Variants in ODAD1 observed in about 807,000 individuals in gnomAD.
ODAD1 encodes the protein outer dynein arm docking complex subunit 1.
ODAD1 carries 49 observed loss-of-function variants against 67.2 expected under a neutral mutation model. That is an observed-to-expected ratio of 0.73 (90% CI 0.58 to 0.92). ODAD1 has a LOEUF of 0.92. Ranked by LOEUF, ODAD1 falls within the 40% of genes least tolerant of loss-of-function variation. The pLI, the probability that ODAD1 is intolerant of heterozygous loss-of-function variation, is 0.00. For synonymous variants in ODAD1, 345 were observed against 393.7 expected (o/e 0.88, Z 1.46); for missense variants, 897 against 953.7 (o/e 0.94, Z 0.78).
chr19:48,311,645 G>T lies in ODAD1; in HGVS notation c.505C>A (p.Gln169Lys). ...LDRVTCHFDN[Q>K]LVRNAALREE... ...CGCAGGGCCGCATTCCGTACCAGCT[G>T]GTTGTCAAAGTGACAGGTGACCTGG... The change falls in exon 7 of 16, where the codon CAG (glutamine) becomes AAG (lysine). Residue 169 changes from glutamine (Q) to lysine (K), a missense_variant. Physicochemically the swap from Gln to Lys is moderately conservative, Grantham distance 53 (BLOSUM62 1). Coordinates refer to ENST00000674294, the MANE Select transcript of ODAD1 (RefSeq NM_001364171.2). 1.3e-6 allele frequency: 2 copies of T among 1,550,362 alleles called. No individual in the cohort carries two copies. The highest frequency in any genetic ancestry group is 1.7e-6 in the Non-Finnish European group (2 of 1,145,814).
intron 5 of ODAD1, among the ~76,000 whole-genome samples, chr19:48,312,878 T>A: frequency 6.6e-6 from 1 of 152,078 alleles, no homozygotes; most frequent in Non-Finnish European, 1.5e-5. Flanking sequence ...ATGAACTTGA[T>A]GACATTAGTA....
Position 48,303,333 on chromosome 19 carries a change from G to A in ODAD1, c.989-238C>T, listed in dbSNP as rs1968519536. ...GCAGAGAGGGAAAGCCAGAGACTCG[G>A]CAATAGCAAGGGAGATGGGGAGATG... is the stretch of plus-strand genomic sequence containing the variant. On this transcript the variant is annotated intron_variant, in intron 10 of 15. Coordinates refer to ENST00000674294, the MANE Select transcript of ODAD1 (RefSeq NM_001364171.2). 3 of 612,180 alleles carry A rather than the reference G, an allele frequency of 4.9e-6. No individual in the cohort carries two copies. In the South Asian group the frequency reaches 5.9e-5, roughly 12 times the overall value. 37.9% of individuals were successfully genotyped at this position (612,180 alleles called of 1,614,324 possible).
Position 48,303,947 on chromosome 19 carries a change from C to A in ODAD1, c.853+6G>T. The A allele has an allele frequency of 1.9e-6, 3 of 1,613,048 alleles. No individual in the cohort carries two copies. The highest frequency in any genetic ancestry group is 8.5e-7 in the Non-Finnish European group (1 of 1,179,226). On this transcript the variant is annotated splice_donor_region_variant and intron_variant, in intron 9 of 15. Coordinates refer to ENST00000674294, the MANE Select transcript of ODAD1 (RefSeq NM_001364171.2). ...TGAGATGCAAAGGCAGCAGCCCCAG[C>A]CTCACCCTGCTTTTCACGCTTCTCC...
intron 10 of ODAD1, 89 bp downstream of exon 10, chr19:48,303,561 C>A: frequency 6.6e-7 from 1 of 1,516,306 alleles, no homozygotes; most frequent in East Asian, 2.3e-5. Context: ...TGGAGGAGTT[C>A]CCCAGGGCCA....
rs573371606 is a variant in ODAD1 at position 48,321,886 on chromosome 19, G to C, written c.-272C>G. 7.8e-5 allele frequency: 31 copies of C among 398,348 alleles called. No homozygotes were observed. The highest frequency in any genetic ancestry group is 1.2e-4 in the African/African-American group (6 of 48,758). The allele number at this position is 398,348 out of a possible 1,614,324, so 24.7% of individuals were successfully genotyped here. A position where few individuals can be genotyped will look rare whatever the true frequency, so the allele number is the denominator to read the frequency against. ...AGGAGCGCTCAACACAGCCTCAGCGGTTCACTACGCAAGCGCGACCAACGG... is the reference window on the plus strand; with the variant it reads ...AGGAGCGCTCAACACAGCCTCAGCGCTTCACTACGCAAGCGCGACCAACGG... On this transcript the variant is annotated 5_prime_UTR_variant, in exon 1 of 16. Transcript: ENST00000674294.
chr19:48,309,833 G>T (rs1046366685), intron 7 of ODAD1, among the ~76,000 whole-genome samples: 1 of 152,168 alleles, frequency 6.6e-6, no homozygotes, highest in Non-Finnish European at 1.5e-5. Flanking sequence ...CTAGTCATGG[G>T]ACAAGTTGAC....
At position 48,321,821 on chromosome 19, in the gene ODAD1, AGGAAGGAAGGC is replaced by A; in HGVS notation, c.-218_-208del. The A allele has an allele frequency of 2.5e-6, 1 of 398,614 alleles. No individual in the cohort carries two copies. Among genetic ancestry groups the A allele is most frequent in the African/African-American group, 2.1e-5 (1 of 48,754 alleles). 24.7% of individuals were successfully genotyped at this position (398,614 alleles called of 1,614,324 possible). On this transcript the variant is annotated 5_prime_UTR_variant, in exon 1 of 16. Coordinates refer to ENST00000674294, the MANE Select transcript of ODAD1 (RefSeq NM_001364171.2). ...TGACCACGTTAAATTAAGGATTCAT[AGGAAGGAAGGC>A]GGTGTCGAAGCCGGGAGTTGCGCGG... is the stretch of plus-strand genomic sequence containing the variant.
chr19:48,297,108 A>T lies in ODAD1; in HGVS notation c.1992T>A (p.Gly664=). 1 of 1,613,458 alleles carries T rather than the reference A, an allele frequency of 6.2e-7. No homozygotes were observed. Among genetic ancestry groups the T allele is most frequent in the Non-Finnish European group, 8.5e-7 (1 of 1,179,602 alleles). The part of the protein sequence containing the change: ...GSSRGGENTE[G]GVESGGTASD... ...ACGCTGTGCCTCCGCTCTCCACACC[A>T]CCCTCTGTGTTTTCTCCGCCCCTGC... The change falls in exon 16 of 16, where the codon GGT becomes GGA. Residue 664 remains glycine (G), a synonymous_variant. Coordinates refer to ENST00000674294, the MANE Select transcript of ODAD1 (RefSeq NM_001364171.2).
chr19:48,303,590 A>G lies in ODAD1; in HGVS notation c.988+60T>C, dbSNP rs577633315. The G allele has an allele frequency of 7.6e-5, 122 of 1,596,454 alleles. No individual in the cohort carries two copies. The African/African-American group carries it at 1.6e-3, about 20-fold the overall frequency. ...AGGGCCAGAGCTGAGGCCAGCCTGC[A>G]CTGGACTCAGGGGGTGCCGGGGTCC... On this transcript the variant is annotated intron_variant, in intron 10 of 15. Transcript: ENST00000674294.
Position 48,298,212 on chromosome 19 carries a change from C to G in ODAD1, c.1369G>C (p.Glu457Gln). ...FLSLIEKRLV[E>Q]LLTVQAFLHA... ...AGGAAGGCCTGCACTGTCAGGAGCT[C>G]CACCAGCCGCTTCTCAATGAGGCTC... Residue 457 changes from glutamate (E) to glutamine (Q), a missense_variant, in exon 13 of 16, where the codon GAG becomes CAG. Physicochemically the swap from Glu to Gln is conservative, Grantham distance 29 (BLOSUM62 2). Coordinates refer to ENST00000674294, the MANE Select transcript of ODAD1 (RefSeq NM_001364171.2). 6.2e-7 allele frequency: 1 copy of G among 1,613,770 alleles called. No homozygotes were observed. Among genetic ancestry groups the G allele is most frequent in the Non-Finnish European group, 8.5e-7 (1 of 1,180,034 alleles).
chr19:48,299,872 TA>T lies in ODAD1; in HGVS notation c.1241-1533del, dbSNP rs753933955. 3.2e-3 allele frequency among the ~76,000 whole-genome samples: 435 copies of T among 136,552 alleles called. 1 individual carries two copies. Among genetic ancestry groups the T allele is most frequent in the African/African-American group, 4.0e-3 (148 of 37,226 alleles). 89.6% of individuals were successfully genotyped at this position (136,552 alleles called of 152,430 possible). A position where few individuals can be genotyped will look rare whatever the true frequency, so the allele number is the denominator to read the frequency against. On this transcript the variant is annotated intron_variant, in intron 12 of 15. Coordinates refer to ENST00000674294, the MANE Select transcript of ODAD1 (RefSeq NM_001364171.2). ...GATGCAACATACCCACAGAAGGGATTAAAAAAAAAAAAAAGAAACTCAGCCA... is the reference window on the plus strand; with the variant it reads ...GATGCAACATACCCACAGAAGGGATTAAAAAAAAAAAAAGAAACTCAGCCA...
At chr19:48,311,923 T>C in intron 6 of ODAD1, 71 bp downstream of exon 6, 2 of 1,429,668 alleles carry the variant, frequency 1.4e-6, no homozygotes, top group Non-Finnish European at 1.9e-6. Flanking sequence ...ATTTCCAGAA[T>C]CCAATGACCA....
chr19:48,298,189 G>A lies in ODAD1; in HGVS notation c.1392C>T (p.Phe464=), dbSNP rs1968361273. 1 of 1,612,882 alleles carries A rather than the reference G, an allele frequency of 6.2e-7. No homozygotes were observed. Among genetic ancestry groups the A allele is most frequent in the Admixed American group, 1.7e-5 (1 of 59,974 alleles). Residue 464 remains phenylalanine, a synonymous_variant, in exon 13 of 16, where the codon TTC becomes TTT. Transcript: ENST00000674294. The part of the protein sequence containing the change: ...RLVELLTVQA[F]LHAQSFTSLA... ...TGCCGTCTCCCACCTGGGCATGTAG[G>A]AAGGCCTGCACTGTCAGGAGCTCCA...
rs1301558496 is a variant in ODAD1, at chr19:48,297,289, G to A, written c.1811C>T (p.Ser604Phe). 2.5e-6 allele frequency: 4 copies of A among 1,613,832 alleles called. No individual in the cohort carries two copies. Among genetic ancestry groups the A allele is most frequent in the Non-Finnish European group, 3.4e-6 (4 of 1,180,022 alleles). Residue 604 changes from serine to phenylalanine, a missense_variant, in exon 16 of 16, where the codon TCC becomes TTC. Ser to Phe is a radical substitution (Grantham distance 155, BLOSUM62 -2). Transcript: ENST00000674294. ...GTGGCTGGGCAAATGCCCAGTGCTG[G>A]AGCTGAGGCCGCCAAAAGTGACGTG... ...LGHVTFGGLS[S>F]STGHLPSHIT... is the part of the protein sequence containing the mutation.
At chr19:48,310,982 G>A (rs1968744246) in intron 7 of ODAD1, among the ~76,000 whole-genome samples, 2 of 151,456 alleles carry the variant, frequency 1.3e-5, no homozygotes, top group African/African-American at 4.8e-5. Context: ...GGAGGCCGAG[G>A]AAGGCGGATC....
intron 5 of ODAD1, among the ~76,000 whole-genome samples, chr19:48,317,997 T>C (rs1227420315): frequency 6.7e-6 from 1 of 150,306 alleles, no homozygotes; most frequent in African/African-American, 2.4e-5. Context: ...AGCATGAACC[T>C]GGGAGGCGAA....
At chr19:48,315,283 G>A (rs546090421) in intron 5 of ODAD1, among the ~76,000 whole-genome samples, 12 of 152,224 alleles carry the variant, frequency 7.9e-5, no homozygotes, top group African/African-American at 2.2e-4. Context: ...GGTGGCTCAC[G>A]CCTGTAATCC....
chr19:48,305,923 G>C (rs1968595284), intron 8 of ODAD1, among the ~76,000 whole-genome samples: 1 of 151,946 alleles, frequency 6.6e-6, no homozygotes, highest in African/African-American at 2.4e-5. Flanking sequence ...GCCAGCCACG[G>C]TGCCGGGCAC....
chr19:48,303,577 G>A (rs777479004), intron 10 of ODAD1, 73 bp downstream of exon 10: 51 of 1,582,692 alleles, frequency 3.2e-5, no homozygotes, highest in Non-Finnish European at 4.2e-5. Context: ...GGCCAGAGCT[G>A]AGGCCAGCCT....
Sources: gnomAD v4.1 joint callset for allele counts (sites outside exome capture counted in the v4.1 genomes callset) on GRCh38, gnomAD v4.1.1 for gene constraint, MANE v1.5 for transcripts, NCBI Gene and HGNC (gene_info 2026-07-23, HGNC 2026-07-21) for gene names.